The following SUPT3H variants were observed in gnomAD, a reference collection of about 807,000 sequenced individuals.
The protein encoded by SUPT3H is transcription initiation protein SPT3 homolog.
Under a neutral mutation model 44.3 loss-of-function variants are expected in SUPT3H, and 44 were observed. The ratio of observed to expected loss-of-function variants is 0.99; its 90% CI spans 0.78 to 1.28. The LOEUF is 1.28. SUPT3H is among the 50% of genes most tolerant of loss of function. The pLI is 0.00. For synonymous variants in SUPT3H, 124 were observed against 125.6 expected (o/e 0.99, Z 0.09); for missense variants, 380 against 387.1 (o/e 0.98, Z 0.15).
At chr6:44,976,517 A>G (rs1477148269) in intron 6 of SUPT3H, among the ~76,000 whole-genome samples, 3 of 151,948 alleles carry the variant, frequency 2.0e-5, no homozygotes, top group Non-Finnish European at 4.4e-5. Flanking sequence ...GACCACAACC[A>G]TGCCTGGCTA....
chr6:45,290,871 CA>C (rs1780201079), intron 2 of SUPT3H, among the ~76,000 whole-genome samples: 3 of 152,060 alleles, frequency 2.0e-5, no homozygotes, highest in African/African-American at 7.2e-5. Context: ...ATCTGAGGCC[CA>C]AGAAAATGGA....
At chr6:44,956,314 C>G (rs780860623) in intron 7 of SUPT3H, among the ~76,000 whole-genome samples, 59 of 151,234 alleles carry the variant, frequency 3.9e-4, no homozygotes, top group Non-Finnish European at 6.6e-4. Flanking sequence ...GAAACCCCAT[C>G]TCTACTAAAA....
chr6:45,323,465 T>C (rs1033717344), intron 2 of SUPT3H, among the ~76,000 whole-genome samples: 5 of 151,974 alleles, frequency 3.3e-5, no homozygotes, highest in Non-Finnish European at 5.9e-5. Context: ...GTAAAGCACA[T>C]AGACTGATAG....
chr6:45,357,356 A>C (rs1241288117), intron 2 of SUPT3H, among the ~76,000 whole-genome samples: 1 of 151,868 alleles, frequency 6.6e-6, no homozygotes, highest in Non-Finnish European at 1.5e-5. Context: ...TTTTTGAGAC[A>C]GTCTCACTCT....
intron 2 of SUPT3H, among the ~76,000 whole-genome samples, chr6:45,263,145 G>C (rs1031436596): frequency 2.0e-5 from 3 of 152,000 alleles, no homozygotes; most frequent in Admixed American, 1.3e-4. Flanking sequence ...ATATACCCAA[G>C]GGAAAATAAA....
intron 6 of SUPT3H, among the ~76,000 whole-genome samples, chr6:44,966,611 TAC>T (rs893006372): frequency 6.6e-6 from 1 of 152,080 alleles, no homozygotes; most frequent in African/African-American, 2.4e-5. Flanking sequence ...CTCTAAGGTA[TAC>T]AAAGTTTCTC....
chr6:44,883,200 A>C (rs1010145204), intron 10 of SUPT3H, among the ~76,000 whole-genome samples: 1 of 152,214 alleles, frequency 6.6e-6, no homozygotes, highest in Non-Finnish European at 1.5e-5. Flanking sequence ...TCAGGATGCA[A>C]AATCAATGTG....
At chr6:45,371,103 T>C (rs1489260981) in intron 1 of SUPT3H, among the ~76,000 whole-genome samples, 1 of 152,168 alleles carries the variant, frequency 6.6e-6, no homozygotes, top group Non-Finnish European at 1.5e-5. Context: ...GTGGAAGATT[T>C]TGGCAGCAAT....
intron 3 of SUPT3H, among the ~76,000 whole-genome samples, chr6:45,058,492 G>C (rs1791479301): frequency 6.6e-6 from 1 of 152,088 alleles, no homozygotes. Context: ...AAAGTACTTA[G>C]TACAGTGTCT....
chr6:44,894,638 T>C (rs1476226035), intron 10 of SUPT3H, among the ~76,000 whole-genome samples: 1 of 152,140 alleles, frequency 6.6e-6, no homozygotes, highest in Non-Finnish European at 1.5e-5. Context: ...TGTAGTATAG[T>C]TTGAAGTCAG....
intron 2 of SUPT3H, among the ~76,000 whole-genome samples, chr6:45,281,118 C>G (rs1777970847): frequency 6.6e-6 from 1 of 152,134 alleles, no homozygotes; most frequent in African/African-American, 2.4e-5. Context: ...GGGGTGGAGA[C>G]AAGATGGCCG....
At chr6:44,901,357 C>A (rs1765010398) in intron 10 of SUPT3H, among the ~76,000 whole-genome samples, 3 of 152,126 alleles carry the variant, frequency 2.0e-5, no homozygotes, top group Admixed American at 2.0e-4. Context: ...AACCAAGGCA[C>A]AAGAACTACG....
chr6:44,984,704 T>C (rs9357464), intron 6 of SUPT3H, among the ~76,000 whole-genome samples: 74,076 of 151,868 alleles, frequency 0.49, 18,609 homozygotes, highest in East Asian at 0.69. Context: ...AAAACTGACC[T>C]CTTTCCTATA....
chr6:45,029,707 G>A (rs940572007), intron 3 of SUPT3H, among the ~76,000 whole-genome samples: 3 of 152,126 alleles, frequency 2.0e-5, no homozygotes, highest in Non-Finnish European at 2.9e-5. Context: ...ATTAAATAAA[G>A]TCATAGTTTA....
intron 10 of SUPT3H, among the ~76,000 whole-genome samples, chr6:44,931,177 T>TAA (rs1358719117): frequency 6.6e-6 from 1 of 152,222 alleles, no homozygotes; most frequent in African/African-American, 2.4e-5. Flanking sequence ...TTCCTTTATG[T>TAA]AATCTTATTC....
chr6:45,208,393 A>T (rs1562692932), intron 2 of SUPT3H, among the ~76,000 whole-genome samples: 1 of 152,218 alleles, frequency 6.6e-6, no homozygotes, highest in Non-Finnish European at 1.5e-5. Flanking sequence ...CTTAACAAGA[A>T]GATCTAACTA....
chr6:45,215,103 G>T (rs987640933), intron 2 of SUPT3H, among the ~76,000 whole-genome samples: 5 of 152,070 alleles, frequency 3.3e-5, no homozygotes, highest in African/African-American at 1.2e-4. Flanking sequence ...GAAATCACTG[G>T]AAATTCATAC....
intron 2 of SUPT3H, among the ~76,000 whole-genome samples, chr6:45,264,973 T>C (rs1775017510): frequency 2.6e-5 from 4 of 152,144 alleles, no homozygotes; most frequent in African/African-American, 9.7e-5. Context: ...AAAAAATCAC[T>C]TTAATGAGAT....
intron 2 of SUPT3H, among the ~76,000 whole-genome samples, chr6:45,122,750 C>A (rs145098387): frequency 6.6e-4 from 100 of 152,144 alleles, no homozygotes; most frequent in African/African-American, 2.3e-3. Context: ...TCAAATTAAA[C>A]GAGAGGCACT....
Sources: allele counts gnomAD v4.1 joint callset (sites outside exome capture counted in the v4.1 genomes callset), GRCh38; gene constraint gnomAD v4.1.1; transcripts MANE v1.5; gene names NCBI Gene and HGNC (gene_info 2026-07-23, HGNC 2026-07-21).